The following POLR1D variants were observed in gnomAD, a reference collection of about 807,000 sequenced individuals.
POLR1D encodes the protein DNA-directed RNA polymerases I and III subunit RPAC2.
Under a neutral mutation model 10.8 loss-of-function variants are expected in POLR1D, and 8 were observed. The observed-to-expected ratio is 0.74, with a 90% CI of 0.43 to 1.33. The LOEUF (loss-of-function observed/expected upper bound fraction) is 1.33, where lower values mean the gene tolerates loss of function less well. POLR1D is among the 40% of genes most tolerant of loss of function. The pLI, the probability that POLR1D is intolerant of heterozygous loss-of-function variation, is 0.01. For missense variants in POLR1D, 152 were observed against 161.7 expected (o/e 0.94, Z 0.32); for synonymous variants, 54 against 57.2 (o/e 0.94, Z 0.25).
chr13:27,660,004 T>A (rs1436390676), intron 2 of POLR1D, among the ~76,000 whole-genome samples: 2 of 152,022 alleles, frequency 1.3e-5, no homozygotes, highest in African/African-American at 2.4e-5. Flanking sequence ...GGTACAATGT[T>A]GGAGACAGTC....
At chr13:27,624,449 T>C (rs1955987672), downstream of POLR1D, among the ~76,000 whole-genome samples, 1 of 152,194 alleles carries the variant, frequency 6.6e-6, no homozygotes, top group Non-Finnish European at 1.5e-5. Flanking sequence ...TAGCGTGCCA[T>C]AGAGCCTACA....
At chr13:27,643,806 A>G (rs1319332794) in intron 1 of POLR1D, among the ~76,000 whole-genome samples, 1 of 152,224 alleles carries the variant, frequency 6.6e-6, no homozygotes, top group Non-Finnish European at 1.5e-5. Context: ...TGGGCCTTTT[A>G]GATAACTTCC....
chr13:27,624,897 T>C (rs189383949), downstream of POLR1D, among the ~76,000 whole-genome samples: 2 of 152,110 alleles, frequency 1.3e-5, no homozygotes, highest in African/African-American at 4.8e-5. Context: ...CAAAAAAATA[T>C]ATAAAATTAA....
At chr13:27,628,511 G>T (rs753726705) in intron 1 of POLR1D, among the ~76,000 whole-genome samples, 2 of 152,176 alleles carry the variant, frequency 1.3e-5, no homozygotes, top group Non-Finnish European at 2.9e-5. Context: ...AATACAAGAA[G>T]AGAGAGACCA....
At chr13:27,650,268 C>T (rs1015165423) in intron 2 of POLR1D, 1 of 386,188 alleles carries the variant, frequency 2.6e-6, no homozygotes, top group Non-Finnish European at 4.6e-6. Flanking sequence ...TGCTACCCTC[C>T]CAGCATCAGT....
chr13:27,648,098 GAA>G (rs908762131), intron 1 of POLR1D: 1 of 270,304 alleles, frequency 3.7e-6, no homozygotes, highest in Non-Finnish European at 7.2e-6. Flanking sequence ...AAATTAATAA[GAA>G]AAGATAATTC....
At chr13:27,662,643 A>G (rs1212208882) in intron 2 of POLR1D, among the ~76,000 whole-genome samples, 1 of 152,214 alleles carries the variant, frequency 6.6e-6, no homozygotes, top group Non-Finnish European at 1.5e-5. Flanking sequence ...TTATCTCATT[A>G]AATCCTCACA....
At chr13:27,632,346 T>C (rs1449481242) in intron 1 of POLR1D, among the ~76,000 whole-genome samples, 1 of 152,252 alleles carries the variant, frequency 6.6e-6, no homozygotes, top group Non-Finnish European at 1.5e-5. Context: ...TTCCAAGGTA[T>C]GCTGTTTTTT....
chr13:27,630,813 A>C (rs1007718249), intron 1 of POLR1D, among the ~76,000 whole-genome samples: 2 of 152,230 alleles, frequency 1.3e-5, no homozygotes, highest in African/African-American at 4.8e-5. Context: ...TCTTCATAGT[A>C]CAGGTTGTGT....
intron 1 of POLR1D, among the ~76,000 whole-genome samples, chr13:27,642,038 C>T (rs1261522391): frequency 6.6e-6 from 1 of 152,184 alleles, no homozygotes; most frequent in Admixed American, 6.5e-5. Flanking sequence ...TGGCACCCTC[C>T]ACTCCAACAC....
chr13:27,625,104 C>T (rs1276318014), downstream of POLR1D, among the ~76,000 whole-genome samples: 1 of 152,066 alleles, frequency 6.6e-6, no homozygotes, highest in East Asian at 1.9e-4. Context: ...AAACTGGTGG[C>T]ATGAGGAACT....
At chr13:27,644,670 A>G (rs1956203509) in intron 1 of POLR1D, among the ~76,000 whole-genome samples, 1 of 152,214 alleles carries the variant, frequency 6.6e-6, no homozygotes, top group Admixed American at 6.5e-5. Flanking sequence ...AGATATTGAA[A>G]AGAACCAAGT....
chr13:27,650,144 C>T (rs1956253027), intron 2 of POLR1D: 1 of 397,980 alleles, frequency 2.5e-6, no homozygotes. Flanking sequence ...GCTACCCTCC[C>T]AGCATCAGTG....
intron 1 of POLR1D, among the ~76,000 whole-genome samples, chr13:27,644,311 T>G (rs1233813317): frequency 6.6e-6 from 1 of 152,220 alleles, no homozygotes; most frequent in Non-Finnish European, 1.5e-5. Context: ...TTAAAGTGAT[T>G]AAAAAGAAAC....
At position 27,629,974 on chromosome 13, in the gene POLR1D, C is replaced by T. The variant is rs927407095; in HGVS notation, c.26+7965C>T. Among the ~76,000 whole-genome samples the T allele has an allele frequency of 6.6e-5, 10 of 152,218 alleles. No homozygotes were observed. The East Asian group carries it at 1.5e-3, about 24-fold the overall frequency. On this transcript the variant is annotated intron_variant, in intron 1 of 2. Coordinates refer to the POLR1D transcript ENST00000399697. ...TTGCCCAGGCTGGAGTGCAGTGGCG[C>T]GATCTTGGCTCACTGCAACCTCCGC... is the stretch of plus-strand genomic sequence containing the variant.
At chr13:27,626,856 T>A (rs1022152455), downstream of POLR1D, among the ~76,000 whole-genome samples, 6 of 152,214 alleles carry the variant, frequency 3.9e-5, no homozygotes, top group African/African-American at 1.4e-4. Flanking sequence ...ATCTAAGTAC[T>A]CTAATTAGTT....
chr13:27,631,554 CACCCACATACAA>C (rs975189345), intron 1 of POLR1D, among the ~76,000 whole-genome samples: 1 of 152,216 alleles, frequency 6.6e-6, no homozygotes, highest in African/African-American at 2.4e-5. Context: ...GTGGCATGCA[CACCCACATACAA>C]ACCTCCATCA....
chr13:27,639,979 C>T (rs1198363752), intron 1 of POLR1D, among the ~76,000 whole-genome samples: 5 of 152,190 alleles, frequency 3.3e-5, no homozygotes, highest in Admixed American at 6.5e-5. Context: ...CCTGGGTTCA[C>T]ATCCCAGGCC....
chr13:27,655,002 C>T (rs1185743992), intron 2 of POLR1D, among the ~76,000 whole-genome samples: 1 of 152,132 alleles, frequency 6.6e-6, no homozygotes, highest in Non-Finnish European at 1.5e-5. Flanking sequence ...TCACGGGTCA[C>T]ATGGTGAGAA....
Sources: allele counts gnomAD v4.1 joint callset (sites outside exome capture counted in the v4.1 genomes callset), GRCh38; gene constraint gnomAD v4.1.1; transcripts MANE v1.5; gene names NCBI Gene and HGNC (gene_info 2026-07-23, HGNC 2026-07-21).